The following BRWD1 variants were observed in gnomAD, a reference collection of about 807,000 sequenced individuals.
The protein encoded by BRWD1 is bromodomain and WD repeat domain containing 1, also known as bromodomain and WD repeat-containing protein 1.
A neutral mutation model predicts 251.2 loss-of-function variants in BRWD1; 82 were observed. The ratio of observed to expected loss-of-function variants is 0.33; its 90% confidence interval spans 0.27 to 0.39. The LOEUF is 0.39. BRWD1 is among the 10% of genes least tolerant of loss of function. The pLI is 1.00. For missense variants in BRWD1, 2,233 were observed against 2,711.6 expected, an observed-to-expected ratio of 0.82 and a Z score of 3.92; for synonymous variants, 918 against 902.8, an observed-to-expected ratio of 1.02 and a Z score of -0.30.
At chr21:39,294,135 A>G in intron 7 of BRWD1, 103 bp from the exon 8 acceptor site, 3 of 850,494 alleles carry the variant, frequency 3.5e-6, no homozygotes, top group Non-Finnish European at 3.6e-6. Flanking sequence ...AACTCTTTCC[A>G]ACTATAGAAT....
rs2031375053 is a variant in BRWD1, at chr21:39,188,549, T to A, written c.*7710A>T. 6.1e-6 allele frequency: 6 copies of A among 985,290 alleles called. No homozygotes were observed. The highest frequency in any genetic ancestry group is 1.7e-5 in the African/African-American group (1 of 57,236). 61.0% of individuals were successfully genotyped at this position (985,290 alleles called of 1,614,324 possible). On this transcript the variant is annotated 3_prime_UTR_variant, in exon 41 of 41. Transcript: ENST00000342449. ...TTCTGAACTTTTTCTTCTGTGAAGA[T>A]GTTTGCCCTTCTGTCACAAAGCTGA...
intron 29 of BRWD1, chr21:39,219,528 G>C (rs1470302205): frequency 6.6e-6 from 1 of 152,222 alleles, no homozygotes; most frequent in Non-Finnish European, 1.5e-5. Flanking sequence ...CTGTGTACTG[G>C]CTACCAGGTT....
intron 13 of BRWD1, among the ~76,000 whole-genome samples, chr21:39,272,496 C>G (rs1304528266): frequency 6.6e-6 from 1 of 151,174 alleles, no homozygotes; most frequent in East Asian, 1.9e-4. Flanking sequence ...CACTGCACTC[C>G]AGCCTGGGCG....
intron 4 of BRWD1, among the ~76,000 whole-genome samples, chr21:39,307,664 G>A (rs1056297073): frequency 6.6e-6 from 1 of 152,132 alleles, no homozygotes; most frequent in Non-Finnish European, 1.5e-5. Context: ...GCTATGACTT[G>A]GAACTTGGGT....
At chr21:39,213,683 G>A in intron 32 of BRWD1, 130 bp from the exon 33 acceptor site, 1 of 558,142 alleles carries the variant, frequency 1.8e-6, no homozygotes, top group Non-Finnish European at 3.1e-6. Context: ...GGAATATCAG[G>A]TTTTCCCCCA....
rs1405138049 is a variant in BRWD1, at chr21:39,187,018, CAT to C, written c.*9239_*9240del. The C allele has an allele frequency of 1.3e-6, 2 of 1,539,718 alleles. No homozygotes were observed. The highest frequency in any genetic ancestry group is 8.7e-7 in the Non-Finnish European group (1 of 1,150,592). ...TTTTCAGATGCCACTTCTACATTCT[CAT>C]AGTCACTATTGTGCATTTTCTTTCC... is the stretch of plus-strand genomic sequence containing the variant. On this transcript the variant is annotated 3_prime_UTR_variant, in exon 41 of 41. Coordinates refer to ENST00000342449, the MANE Select transcript of BRWD1 (RefSeq NM_033656.4).
chr21:39,198,082 C>G (rs2031914391), intron 40 of BRWD1, among the ~76,000 whole-genome samples: 1 of 152,140 alleles, frequency 6.6e-6, no homozygotes, highest in Non-Finnish European at 1.5e-5. Context: ...CTCTCTGAAA[C>G]TCCCCGTAAC....
chr21:39,267,386 G>A (rs1011856797), intron 15 of BRWD1, among the ~76,000 whole-genome samples: 2 of 152,064 alleles, frequency 1.3e-5, no homozygotes, highest in African/African-American at 4.8e-5. Flanking sequence ...ACAAGGTCAG[G>A]AGATCGAGAC....
upstream of BRWD1, chr21:39,313,974 G>T (rs1466601812): frequency 2.5e-6 from 1 of 402,818 alleles, no homozygotes; most frequent in Non-Finnish European, 5.0e-6. Context: ...CACAAGAGGG[G>T]GCGATTCACC....
In BRWD1 at chr21:39,310,860, G is replaced by T. The variant is rs547533141; in HGVS notation, c.198+1981C>A. On this transcript the variant is annotated intron_variant, in intron 4 of 40. Coordinates refer to ENST00000342449, the MANE Select transcript of BRWD1 (RefSeq NM_033656.4). ...AGGTGTTAGCACCGCAGCTGGCCTG[G>T]AATACTTCTTAATAAGGTATTTTTA... Among the ~76,000 whole-genome samples the T allele has an allele frequency of 6.0e-4, 91 of 151,990 alleles. 1 individual carries two copies. The highest frequency in any genetic ancestry group is 4.4e-3 in the South Asian group (21 of 4,808).
intron 17 of BRWD1, among the ~76,000 whole-genome samples, chr21:39,258,879 A>G (rs976458099): frequency 2.6e-5 from 4 of 152,200 alleles, no homozygotes; most frequent in Non-Finnish European, 5.9e-5. Context: ...AGGACTAAAT[A>G]CCACAAAAAC....
intron 15 of BRWD1, among the ~76,000 whole-genome samples, chr21:39,269,499 T>A (rs1171627496): frequency 2.0e-5 from 3 of 152,100 alleles, no homozygotes; most frequent in Non-Finnish European, 4.4e-5. Flanking sequence ...AATATTGTAA[T>A]ATTTGGTTAA....
chr21:39,187,142 C>T lies in BRWD1; in HGVS notation c.*9117G>A, dbSNP rs759775687. On this transcript the variant is annotated 3_prime_UTR_variant, in exon 41 of 41. Transcript: ENST00000342449. ...ATGGTTGTATCATCCTCTTTATAAA[C>T]ATTCAGTAATTTTTTCTTAGCCGCA... 1.9e-6 allele frequency: 3 copies of T among 1,613,612 alleles called. No individual in the cohort carries two copies. In the Admixed American group the frequency reaches 5.0e-5, roughly 27 times the overall value.
intron 29 of BRWD1, among the ~76,000 whole-genome samples, chr21:39,223,182 T>G (rs543264446): frequency 6.6e-6 from 1 of 152,214 alleles, no homozygotes; most frequent in Admixed American, 6.5e-5. Flanking sequence ...TATTAATAAT[T>G]TCCTGATTTT....
chr21:39,287,855 G>A (rs1305195524), intron 8 of BRWD1, among the ~76,000 whole-genome samples: 1 of 151,966 alleles, frequency 6.6e-6, no homozygotes, highest in East Asian at 1.9e-4. Context: ...ACATGAATTG[G>A]GTGTAAATTT....
rs547356163 is a variant in BRWD1, at chr21:39,261,661, T to C, written c.1885+2799A>G. 3.9e-5 allele frequency among the ~76,000 whole-genome samples: 6 copies of C among 152,180 alleles called. No individual in the cohort carries two copies. In the East Asian group the frequency reaches 5.8e-4, roughly 15 times the overall value. ...CACCTATGGGTCTGCAAACCACACA[T>C]TGACAATTTCTGCCCTAAAGCAACC... On this transcript the variant is annotated intron_variant, in intron 17 of 40. Coordinates refer to ENST00000342449, the MANE Select transcript of BRWD1 (RefSeq NM_033656.4).
chr21:39,287,681 C>A (rs991693829), intron 8 of BRWD1, among the ~76,000 whole-genome samples: 1 of 152,084 alleles, frequency 6.6e-6, no homozygotes, highest in Non-Finnish European at 1.5e-5. Flanking sequence ...TATTTTTAGT[C>A]TTTCAAAGAA....
At chr21:39,297,434 A>C in intron 5 of BRWD1, 2 of 982,900 alleles carry the variant, frequency 2.0e-6, no homozygotes, top group Non-Finnish European at 2.4e-6. Flanking sequence ...GCCAGTTCTA[A>C]ATCACTGCTC....
chr21:39,236,563 A>T, intron 23 of BRWD1, 32 bp downstream of exon 23: 1 of 1,493,094 alleles, frequency 6.7e-7, no homozygotes, highest in Non-Finnish European at 9.1e-7. Context: ...GTATCATGAT[A>T]CATGCTATTT....
Sources: allele counts gnomAD v4.1 joint callset (sites outside exome capture counted in the v4.1 genomes callset), GRCh38; gene constraint gnomAD v4.1.1; transcripts MANE v1.5; gene names NCBI Gene and HGNC (gene_info 2026-07-23, HGNC 2026-07-21).